Variants in PLS3 observed in about 807,000 individuals in gnomAD.
The protein encoded by PLS3 is plastin 3.
Under a neutral mutation model 46.5 loss-of-function variants are expected in PLS3, and 11 were observed. That is an observed-to-expected ratio of 0.24 (90% CI 0.15 to 0.39). The LOEUF is 0.39. Ranked by LOEUF, PLS3 falls within the 10% of genes least tolerant of loss-of-function variation. The pLI is 1.00. For synonymous variants in PLS3, 167 were observed against 162.2 expected (o/e 1.03, Z -0.22); for missense variants, 308 against 461.8 (o/e 0.67, Z 3.05).
chrX:115,567,862 A>G (rs1202199878), intron 1 of PLS3, among the ~76,000 whole-genome samples: 1 of 109,886 alleles, frequency 9.1e-6, no homozygotes, highest in African/African-American at 3.3e-5. Context: ...TGTATATTAT[A>G]TAAAGTTTTA....
chrX:115,629,990 A>T, intron 5 of PLS3, 23 bp downstream of exon 5: 2 of 1,097,870 alleles, frequency 1.8e-6, no homozygotes, highest in Non-Finnish European at 2.5e-6. Context: ...CTTGTTTTAT[A>T]TCCAGATATC....
chrX:115,600,115 C>T (rs2074428594), intron 1 of PLS3, among the ~76,000 whole-genome samples: 1 of 110,424 alleles, frequency 9.1e-6, no homozygotes, highest in African/African-American at 3.3e-5. Context: ...GGAATTTTCA[C>T]TCCCTCTAAA....
intron 1 of PLS3, among the ~76,000 whole-genome samples, chrX:115,609,204 A>G (rs1338549010): frequency 9.0e-6 from 1 of 111,572 alleles, no homozygotes; most frequent in African/African-American, 3.3e-5. Context: ...AATTATTGTT[A>G]TAATAGGTTT....
chrX:115,636,815 A>T (rs2074841858), intron 7 of PLS3, 21 bp from the exon 8 acceptor site: 7 of 917,595 alleles, frequency 7.6e-6, no homozygotes, highest in Non-Finnish European at 8.9e-6. Flanking sequence ...TAACTGTGGG[A>T]TTTTTTTTTT....
intron 1 of PLS3, among the ~76,000 whole-genome samples, chrX:115,569,732 C>A (rs1178264688): frequency 5.4e-5 from 6 of 111,422 alleles, no homozygotes; most frequent in African/African-American, 2.0e-4. Context: ...TCTCTTTCCT[C>A]CAGTTCACTA....
intron 1 of PLS3, among the ~76,000 whole-genome samples, chrX:115,561,824 C>A (rs1230327306): frequency 9.0e-6 from 1 of 111,409 alleles, no homozygotes; most frequent in Non-Finnish European, 1.9e-5. Context: ...GGGCCGTGGC[C>A]GAGGGAAGGC....
rs1004356488 is a variant in PLS3 at position 115,643,243 on chromosome X, A to C, written c.988-70A>C. 6.2e-6 allele frequency: 4 copies of C among 646,789 alleles called. No individual in the cohort carries two copies. In the African/African-American group the frequency reaches 8.8e-5, roughly 14 times the overall value. 53.3% of individuals were successfully genotyped at this position (646,789 alleles called of 1,213,427 possible). On this transcript the variant is annotated intron_variant, in intron 9 of 15. Coordinates refer to ENST00000355899, the MANE Select transcript of PLS3 (RefSeq NM_005032.7). ...GAAAGTAGAACTGTATACCCAGACT[A>C]TGACAGTGGGGAAATTTTCTATATT...
At chrX:115,620,151 G>A (rs1266683077) in intron 2 of PLS3, among the ~76,000 whole-genome samples, 1 of 111,034 alleles carries the variant, frequency 9.0e-6, no homozygotes, top group Non-Finnish European at 1.9e-5. Flanking sequence ...AGAAAGAAAT[G>A]TCAGTGTATT....
intron 3 of PLS3, among the ~76,000 whole-genome samples, chrX:115,624,026 G>A (rs963086918): frequency 7.2e-5 from 8 of 110,979 alleles, no homozygotes; most frequent in Non-Finnish European, 1.3e-4. Context: ...TCAGAAGATC[G>A]AGGGCCATAC....
chrX:115,635,734 A>G (rs1209191023), intron 7 of PLS3, among the ~76,000 whole-genome samples: 6 of 109,528 alleles, frequency 5.5e-5, no homozygotes, highest in Admixed American at 9.8e-5. Flanking sequence ...CCATGCCTGT[A>G]ATCCCAGCAC....
rs1188658657 is a variant in PLS3 at position 115,646,844 on chromosome X, G to T, written c.1511+309G>T. ...AGAACAAAATTATGAACATCTTCAT[G>T]CTCATTTGAAAATAAAGATCTCTCT... On this transcript the variant is annotated intron_variant, in intron 13 of 15. Transcript: ENST00000355899. Among the ~76,000 whole-genome samples, 4 of 112,033 alleles carry T rather than the reference G, an allele frequency of 3.6e-5. No individual in the cohort carries two copies. The Admixed American group carries it at 3.8e-4, about 11-fold the overall frequency.
intron 2 of PLS3, among the ~76,000 whole-genome samples, chrX:115,620,778 T>A (rs2074645277): frequency 1.1e-5 from 1 of 91,311 alleles, no homozygotes; most frequent in East Asian, 4.1e-4. Context: ...ATTGGTGCAA[T>A]CTTGGCCCAG....
At chrX:115,594,510 C>T (rs1556633539) in intron 1 of PLS3, among the ~76,000 whole-genome samples, 1 of 111,459 alleles carries the variant, frequency 9.0e-6, no homozygotes, top group East Asian at 2.8e-4. Context: ...AGTGACTTGC[C>T]GATAGCTTTC....
intron 1 of PLS3, among the ~76,000 whole-genome samples, chrX:115,594,676 A>ACG (rs2074372260): frequency 9.2e-6 from 1 of 108,183 alleles, no homozygotes; most frequent in African/African-American, 3.4e-5. Context: ...TCTCACACAC[A>ACG]CACACACACA....
At chrX:115,588,026 A>G (rs782086323) in intron 1 of PLS3, among the ~76,000 whole-genome samples, 6 of 112,424 alleles carry the variant, frequency 5.3e-5, no homozygotes, top group Non-Finnish European at 1.1e-4. Flanking sequence ...ATTTTGTATA[A>G]TGAAATGTAT....
At chrX:115,618,284 G>A (rs781799025) in intron 2 of PLS3, among the ~76,000 whole-genome samples, 1 of 112,171 alleles carries the variant, frequency 8.9e-6, no homozygotes, top group South Asian at 3.7e-4. Context: ...ATATACTCCA[G>A]TCTAAACTAG....
At position 115,604,373 on chromosome X, in the gene PLS3, G is replaced by A. The variant is rs953676188; in HGVS notation, c.-8-5870G>A. Among the ~76,000 whole-genome samples, 3 of 112,054 alleles carry A rather than the reference G, an allele frequency of 2.7e-5. No individual in the cohort carries two copies. In the East Asian group the frequency reaches 8.4e-4, roughly 31 times the overall value. ...TTCATGAAGGATTTGAAGTTGCTAT[G>A]TAATACTTCATAGTTCACAATATGC... On this transcript the variant is annotated intron_variant, in intron 1 of 15. Transcript: ENST00000355899.
intron 1 of PLS3, among the ~76,000 whole-genome samples, chrX:115,587,996 T>C (rs2074321355): frequency 8.9e-6 from 1 of 111,970 alleles, no homozygotes; most frequent in Non-Finnish European, 1.9e-5. Context: ...ACAGTATAAT[T>C]AATGAAAATA....
At chrX:115,594,652 T>TC (rs2074371139) in intron 1 of PLS3, among the ~76,000 whole-genome samples, 1 of 103,308 alleles carries the variant, frequency 9.7e-6, no homozygotes, top group Non-Finnish European at 1.9e-5. Flanking sequence ...TCCCTCTCTC[T>TC]CTCTCTCTCT....
Sources: gnomAD v4.1 joint callset for allele counts (sites outside exome capture counted in the v4.1 genomes callset) on GRCh38, gnomAD v4.1.1 for gene constraint, MANE v1.5 for transcripts, NCBI Gene and HGNC (gene_info 2026-07-23, HGNC 2026-07-21) for gene names.